PPP1R14C: variants seen among roughly 807,000 people sequenced by gnomAD.
PPP1R14C encodes the protein protein phosphatase 1 regulatory subunit 14C.
In PPP1R14C, 16 loss-of-function variants were observed where a neutral mutation model predicts 20.4. The observed-to-expected ratio is 0.78, with a 90% CI of 0.53 to 1.19. The LOEUF (loss-of-function observed/expected upper bound fraction) is 1.19, where lower values mean the gene tolerates loss of function less well. PPP1R14C is among the 50% of genes most tolerant of loss of function. The probability of loss-of-function intolerance (pLI) is 0.00; values close to 1 mark genes in which losing one functional copy is unlikely to be tolerated. For missense variants in PPP1R14C, 211 were observed against 220.1 expected, an observed-to-expected ratio of 0.96 and a Z score of 0.26; for synonymous variants, 91 against 91.0, an observed-to-expected ratio of 1.00 and a Z score of 0.00.
chr6:150,245,638 A>G (rs1778482071), intron 3 of PPP1R14C, among the ~76,000 whole-genome samples: 1 of 152,224 alleles, frequency 6.6e-6, no homozygotes, highest in Non-Finnish European at 1.5e-5. Flanking sequence ...CTCTGACTAA[A>G]TCAGTGTCTG....
At chr6:150,163,622 C>T (rs1044694704) in intron 1 of PPP1R14C, among the ~76,000 whole-genome samples, 11 of 152,006 alleles carry the variant, frequency 7.2e-5, no homozygotes, top group Non-Finnish European at 1.5e-4. Context: ...TTCTTAAAAG[C>T]TTTTATGTCT....
chr6:150,211,796 C>T (rs759099013), intron 1 of PPP1R14C, among the ~76,000 whole-genome samples: 8 of 152,112 alleles, frequency 5.3e-5, no homozygotes, highest in Admixed American at 2.6e-4. Flanking sequence ...TCAGAACACC[C>T]GGGACGCATG....
intron 3 of PPP1R14C, among the ~76,000 whole-genome samples, chr6:150,224,691 A>G (rs1778211187): frequency 1.3e-5 from 2 of 152,210 alleles, no homozygotes; most frequent in African/African-American, 4.8e-5. Flanking sequence ...CGGAGCCCTT[A>G]GCGTATTAAA....
chr6:150,180,151 G>A (rs553295166), intron 1 of PPP1R14C, among the ~76,000 whole-genome samples: 4 of 152,254 alleles, frequency 2.6e-5, no homozygotes, highest in African/African-American at 7.2e-5. Flanking sequence ...GCAGTGAGCC[G>A]AGATTGTGCC....
chr6:150,179,400 GAGAA>G (rs1051120944), intron 1 of PPP1R14C, among the ~76,000 whole-genome samples: 2 of 130,114 alleles, frequency 1.5e-5, no homozygotes, highest in Admixed American at 7.9e-5. Flanking sequence ...GAAAGAAAGA[GAGAA>G]AGAGAGAGAG....
chr6:150,207,286 C>T (rs1777965340), intron 1 of PPP1R14C, among the ~76,000 whole-genome samples: 1 of 152,180 alleles, frequency 6.6e-6, no homozygotes, highest in Non-Finnish European at 1.5e-5. Context: ...TATAGGATCC[C>T]ACTGGAAAGG....
chr6:150,212,422 C>A (rs1208393559), intron 1 of PPP1R14C, among the ~76,000 whole-genome samples: 4 of 152,164 alleles, frequency 2.6e-5, no homozygotes, highest in Admixed American at 6.5e-5. Context: ...AGATGCCTAA[C>A]TGAAGATGCC....
intron 1 of PPP1R14C, among the ~76,000 whole-genome samples, chr6:150,200,878 C>T (rs2114897204): frequency 6.6e-6 from 1 of 152,268 alleles, no homozygotes; most frequent in East Asian, 1.9e-4. Flanking sequence ...TTCCTGGGCT[C>T]CAGCTGGCTG....
In PPP1R14C at chr6:150,143,051, C is replaced by T. The variant is rs1488871040; in HGVS notation, c.-142C>T. The T allele has an allele frequency of 1.1e-5, 12 of 1,069,266 alleles. No individual in the cohort carries two copies. The highest frequency in any genetic ancestry group is 1.4e-5 in the Non-Finnish European group (12 of 888,414). 66.2% of individuals were successfully genotyped at this position (1,069,266 alleles called of 1,614,324 possible). A position where few individuals can be genotyped will look rare whatever the true frequency, so the allele number is the denominator to read the frequency against. The stretch of plus-strand genomic sequence containing the variant: ...GGCTCCTCCCGCCCTCCCAGAGCAG[C>T]CGGGCGGCTGGGCGCGCGCGGCGCA... On this transcript the variant is annotated 5_prime_UTR_variant, in exon 1 of 4. Coordinates refer to ENST00000361131, the MANE Select transcript of PPP1R14C (RefSeq NM_030949.3). The surrounding 1 kb of genome is among the most constrained non-coding windows in gnomAD (Gnocchi z 5.6).
chr6:150,166,366 C>T (rs975959081), intron 1 of PPP1R14C, among the ~76,000 whole-genome samples: 1 of 152,164 alleles, frequency 6.6e-6, no homozygotes. Flanking sequence ...AGGCCTGAGC[C>T]ACCGCGCCCA....
chr6:150,161,417 G>A (rs772010483), intron 1 of PPP1R14C, among the ~76,000 whole-genome samples: 6 of 152,114 alleles, frequency 3.9e-5, no homozygotes, highest in Admixed American at 2.6e-4. Flanking sequence ...TCTTATTGGC[G>A]TATACATATC....
At chr6:150,154,696 G>C (rs1365858849) in intron 1 of PPP1R14C, among the ~76,000 whole-genome samples, 1 of 152,216 alleles carries the variant, frequency 6.6e-6, no homozygotes. Context: ...ATTTCCTGTA[G>C]CTGAAGTGGG....
chr6:150,160,319 C>T lies in PPP1R14C; in HGVS notation c.306+16821C>T, dbSNP rs556856728. 1.6e-4 allele frequency among the ~76,000 whole-genome samples: 21 copies of T among 135,400 alleles called. No individual in the cohort carries two copies. In the East Asian group the frequency reaches 2.2e-3, roughly 14 times the overall value. The allele number at this position is 135,400 out of a possible 152,430, so 88.8% of individuals were successfully genotyped here. On this transcript the variant is annotated intron_variant, in intron 1 of 3. Coordinates refer to ENST00000361131, the MANE Select transcript of PPP1R14C (RefSeq NM_030949.3). ...TTGCTCTGTCGCCCAGGCTGGAGTG[C>T]AGTGGCGCGATCTCGGCTCACTGCA...
At chr6:150,163,307 C>T (rs558840279) in intron 1 of PPP1R14C, among the ~76,000 whole-genome samples, 3 of 152,158 alleles carry the variant, frequency 2.0e-5, no homozygotes, top group Admixed American at 6.5e-5. Context: ...AGGAGAATGG[C>T]GTGAACCTGG....
chr6:150,214,068 G>A (rs1778060337), intron 1 of PPP1R14C, among the ~76,000 whole-genome samples: 1 of 152,240 alleles, frequency 6.6e-6, no homozygotes, highest in African/African-American at 2.4e-5. Flanking sequence ...TTCAGAGGGA[G>A]TGAAGGGGAC....
At chr6:150,180,137 G>C (rs1485389793) in intron 1 of PPP1R14C, among the ~76,000 whole-genome samples, 1 of 152,210 alleles carries the variant, frequency 6.6e-6, no homozygotes, top group Non-Finnish European at 1.5e-5. Context: ...GGGATCTGAA[G>C]GTTGCAGTGA....
rs3832442 is a variant in PPP1R14C, at chr6:150,249,701, AC to A, written c.*882del. ...GTGAATTGTCTGCTTTCCACCGAGT[AC>A]TGTGTTTATTCTCTCTCCAGGAAAG... On this transcript the variant is annotated 3_prime_UTR_variant, in exon 4 of 4. Transcript: ENST00000361131. 0.068 allele frequency: 27,076 copies of A among 397,240 alleles called. 1,317 individuals carry two copies. The highest frequency in any genetic ancestry group is 0.18 in the African/African-American group (8,569 of 48,684). 24.6% of individuals were successfully genotyped at this position (397,240 alleles called of 1,614,324 possible).
chr6:150,218,825 A>AT (rs1026247096), intron 3 of PPP1R14C, among the ~76,000 whole-genome samples: 66 of 151,952 alleles, frequency 4.3e-4, no homozygotes, highest in African/African-American at 1.5e-3. Flanking sequence ...AATTATTTTT[A>AT]TTTTTTTATA....
intron 2 of PPP1R14C, among the ~76,000 whole-genome samples, chr6:150,215,029 A>C (rs139332356): frequency 6.6e-6 from 1 of 152,206 alleles, no homozygotes; most frequent in South Asian, 2.1e-4. Context: ...GCCCTTGACT[A>C]TAGTCCATTT....
Sources: gnomAD v4.1 joint callset for allele counts (sites outside exome capture counted in the v4.1 genomes callset) on GRCh38, gnomAD v4.1.1 for gene constraint, Gnocchi (gnomAD v3.1) non-coding constraint, MANE v1.5 for transcripts, NCBI Gene and HGNC (gene_info 2026-07-23, HGNC 2026-07-21) for gene names.